Variants in GRIP1 observed in about 807,000 individuals in gnomAD.
The protein encoded by GRIP1 is glutamate receptor-interacting protein 1.
In GRIP1, 45 loss-of-function variants were observed where a neutral mutation model predicts 129.9. The ratio of observed to expected loss-of-function variants is 0.35; its 90% CI spans 0.27 to 0.44. The LOEUF is 0.44. Among genes scored for constraint, GRIP1 ranks in the 20% least tolerant of loss-of-function variants. The pLI is 1.00. For missense variants in GRIP1, 1,196 were observed against 1,396.8 expected (o/e 0.86, Z 2.29); for synonymous variants, 530 against 520.8 (o/e 1.02, Z -0.24).
intron 15 of GRIP1, among the ~76,000 whole-genome samples, chr12:66,411,942 A>C (rs2057417372): frequency 1.3e-5 from 2 of 152,244 alleles, no homozygotes; most frequent in South Asian, 2.1e-4. Flanking sequence ...AAAGAGAATA[A>C]AAAGGAATAA....
rs142770730 is a variant in GRIP1, at chr12:66,649,020, A to G, written c.55+29830T>C. On this transcript the variant is annotated intron_variant, in intron 1 of 24. Coordinates refer to ENST00000359742, the MANE Select transcript of GRIP1 (RefSeq NM_001366722.1). The stretch of plus-strand genomic sequence containing the variant: ...TCATTCTCTTGGTTTTTCACCGTAT[A>G]GGCTCACAGGGGGTTAAGCAAAGAA... Among the ~76,000 whole-genome samples, 843 of 152,340 alleles carry G rather than the reference A, an allele frequency of 5.5e-3. 5 individuals carry two copies. Among genetic ancestry groups the G allele is most frequent in the African/African-American group, 0.019 (810 of 41,576 alleles).
chr12:66,358,171 A>C (rs2054582204), intron 23 of GRIP1, among the ~76,000 whole-genome samples: 1 of 152,260 alleles, frequency 6.6e-6, no homozygotes, highest in East Asian at 1.9e-4. Flanking sequence ...CTGGGATTAC[A>C]GGCGTAAGCC....
At chr12:66,514,208 C>A (rs1407295421) in intron 7 of GRIP1, among the ~76,000 whole-genome samples, 1 of 152,124 alleles carries the variant, frequency 6.6e-6, no homozygotes, top group Non-Finnish European at 1.5e-5. Context: ...CTATTTTGTT[C>A]ACCTTCTTCC....
At chr12:67,018,114 C>A (rs1025159199) in intron 1 of GRIP1, among the ~76,000 whole-genome samples, 1 of 152,124 alleles carries the variant, frequency 6.6e-6, no homozygotes. Flanking sequence ...TAGGAAAGCC[C>A]TGGCTCCCTG....
chr12:66,377,144 A>T, intron 21 of GRIP1, 30 bp downstream of exon 21: 1 of 1,569,464 alleles, frequency 6.4e-7, no homozygotes, highest in African/African-American at 1.3e-5. Flanking sequence ...ATGTAGAAAC[A>T]ATAAAAGTAA....
chr12:66,993,556 C>T (rs1238342053), intron 1 of GRIP1, among the ~76,000 whole-genome samples: 1 of 151,726 alleles, frequency 6.6e-6, no homozygotes, highest in African/African-American at 2.4e-5. Context: ...TTTAGGAGGC[C>T]GAGGTAGGTG....
chr12:66,539,068 C>T lies in GRIP1; in HGVS notation c.418+10G>A. 1 of 1,612,410 alleles carries T rather than the reference C, an allele frequency of 6.2e-7. No individual in the cohort carries two copies. The highest frequency in any genetic ancestry group is 8.5e-7 in the Non-Finnish European group (1 of 1,178,458). On this transcript the variant is annotated intron_variant, in intron 4 of 24. Coordinates refer to ENST00000359742, the MANE Select transcript of GRIP1 (RefSeq NM_001366722.1). ...TATCCCCTATGGATAAGGGGGGCTA[C>T]TGTACTTACAGACCGGTGGAAGCTC...
At chr12:66,751,191 C>G (rs2037115671) in intron 1 of GRIP1, among the ~76,000 whole-genome samples, 1 of 152,084 alleles carries the variant, frequency 6.6e-6, no homozygotes, top group Non-Finnish European at 1.5e-5. Context: ...GAAAGCCCCC[C>G]AAAGTACTTT....
intron 2 of GRIP1, among the ~76,000 whole-genome samples, chr12:66,588,574 A>G (rs1203861878): frequency 1.3e-5 from 2 of 151,966 alleles, no homozygotes; most frequent in Non-Finnish European, 2.9e-5. Flanking sequence ...CCCTTCCCTC[A>G]CTACTCAGGA....
Position 66,527,943 on chromosome 12 carries a change from T to G in GRIP1, c.502+1888A>C, listed in dbSNP as rs560024330. ...ATGCAATTCCCCCATGTAACAAACC[T>G]GAACATGTACCCCTTGAACCTAAGA... On this transcript the variant is annotated intron_variant, in intron 5 of 24. Transcript: ENST00000359742. Among the ~76,000 whole-genome samples the G allele has an allele frequency of 3.2e-4, 49 of 151,860 alleles. 1 individual carries two copies. Among genetic ancestry groups the G allele is most frequent in the African/African-American group, 1.2e-3 (49 of 41,406 alleles).
At chr12:67,045,222 A>C (rs1047365173) in intron 1 of GRIP1, among the ~76,000 whole-genome samples, 5 of 152,162 alleles carry the variant, frequency 3.3e-5, no homozygotes, top group Non-Finnish European at 7.4e-5. Flanking sequence ...GATTTTTTCA[A>C]TGAAGTAATT....
At chr12:66,545,455 C>A (rs766739133) in intron 2 of GRIP1, among the ~76,000 whole-genome samples, 10 of 152,116 alleles carry the variant, frequency 6.6e-5, no homozygotes, top group Admixed American at 1.3e-4. Flanking sequence ...TATAGACAAA[C>A]AACAGCCAGT....
intron 1 of GRIP1, among the ~76,000 whole-genome samples, chr12:66,597,179 A>C (rs1222737960): frequency 2.0e-5 from 3 of 152,198 alleles, no homozygotes; most frequent in Admixed American, 6.5e-5. Flanking sequence ...CAAAAGCTAT[A>C]GTGCTCGTGA....
chr12:66,568,484 C>T (rs150472051), intron 2 of GRIP1: 303 of 175,580 alleles, frequency 1.7e-3, no homozygotes, highest in African/African-American at 6.9e-3. Context: ...CCTGCCTCCT[C>T]CTTGTCAGGT....
intron 1 of GRIP1, among the ~76,000 whole-genome samples, chr12:66,965,412 C>G (rs779688843): frequency 6.6e-6 from 1 of 151,966 alleles, no homozygotes; most frequent in Non-Finnish European, 1.5e-5. Flanking sequence ...TAATCACTAA[C>G]AAAACAAATG....
chr12:66,860,265 G>A (rs1165623058), intron 1 of GRIP1, among the ~76,000 whole-genome samples: 3 of 152,052 alleles, frequency 2.0e-5, no homozygotes, highest in Non-Finnish European at 4.4e-5. Context: ...GTCATCACGT[G>A]CTTGCTGTGT....
intron 1 of GRIP1, among the ~76,000 whole-genome samples, chr12:66,702,814 A>G (rs1490725938): frequency 1.3e-5 from 2 of 152,208 alleles, no homozygotes; most frequent in African/African-American, 4.8e-5. Context: ...TCTGCAATCA[A>G]TAGAAAGGAG....
intron 7 of GRIP1, among the ~76,000 whole-genome samples, chr12:66,504,895 T>A (rs2060486139): frequency 6.6e-6 from 1 of 152,130 alleles, no homozygotes; most frequent in South Asian, 2.1e-4. Context: ...GGCATTGGAG[T>A]TGCTCTAGCT....
rs1270907214 is a variant in GRIP1, at chr12:66,406,411, A to G, written c.1856T>C (p.Leu619Pro). Residue 619 changes from leucine to proline, a missense_variant, in exon 16 of 25, where the codon CTT becomes CCT. Transcript: ENST00000359742. ...SVAHRTGTLE[L>P]GDKLLAIDNI... ...ATCTATTGCGAGCAATTTATCCCCA[A>G]GTTCCAGGGTCCCAGTTCTGTTAGT... 6 of 1,614,110 alleles carry G rather than the reference A, an allele frequency of 3.7e-6. No individual in the cohort carries two copies. Among genetic ancestry groups the G allele is most frequent in the Non-Finnish European group, 5.1e-6 (6 of 1,179,988 alleles).
Sources: gnomAD v4.1 joint callset for allele counts (sites outside exome capture counted in the v4.1 genomes callset) on GRCh38, gnomAD v4.1.1 for gene constraint, MANE v1.5 for transcripts, NCBI Gene and HGNC (gene_info 2026-07-23, HGNC 2026-07-21) for gene names.